Variants in HCLS1 observed in about 807,000 individuals in gnomAD.
HCLS1 encodes the protein hematopoietic cell-specific Lyn substrate 1.
HCLS1 carries 44 observed loss-of-function variants against 68.6 expected under a neutral mutation model. The observed-to-expected ratio is 0.64, with a 90% CI of 0.50 to 0.82. HCLS1 has a LOEUF of 0.82. HCLS1 is among the 40% of genes least tolerant of loss of function. The probability of loss-of-function intolerance (pLI) is 0.00; values close to 1 mark genes in which losing one functional copy is unlikely to be tolerated. For synonymous variants in HCLS1, 217 were observed against 225.8 expected (o/e 0.96, Z 0.35); for missense variants, 602 against 612.1 (o/e 0.98, Z 0.17).
chr3:121,634,104 C>T, intron 10 of HCLS1, 103 bp downstream of exon 10: 1 of 1,568,366 alleles, frequency 6.4e-7, no homozygotes, highest in South Asian at 1.2e-5. Context: ...TTGCCTAACC[C>T]AGGGGAGGAC....
chr3:121,653,445 TG>T (rs1303240190), intron 3 of HCLS1: 1 of 152,230 alleles, frequency 6.6e-6, no homozygotes, highest in Non-Finnish European at 1.5e-5. Flanking sequence ...GATATAGGAT[TG>T]TTTTTAAAAA....
intron 9 of HCLS1, 123 bp from the exon 10 acceptor site, chr3:121,634,541 G>A: frequency 1.2e-6 from 1 of 863,692 alleles, no homozygotes. Flanking sequence ...GGGACAGGAT[G>A]GTAAAGAGGT....
rs2049126891 is a variant in HCLS1, at chr3:121,634,192, G to A, written c.903+15C>T. ...AGAGATCCTGGATGTGGATCCCAGA[G>A]GGCCAGGCGCTCACCTCTGAGGAGA... On this transcript the variant is annotated intron_variant, in intron 10 of 13. Coordinates refer to ENST00000314583, the MANE Select transcript of HCLS1 (RefSeq NM_005335.6). 10 of 1,613,840 alleles carry A rather than the reference G, an allele frequency of 6.2e-6. No individual in the cohort carries two copies. The highest frequency in any genetic ancestry group is 2.2e-5 in the East Asian group (1 of 44,870).
intron 9 of HCLS1, among the ~76,000 whole-genome samples, chr3:121,635,288 T>TCTCTC (rs2049140632): frequency 6.7e-6 from 1 of 148,906 alleles, no homozygotes; most frequent in African/African-American, 2.5e-5. Flanking sequence ...CTCTCTCCTC[T>TCTCTC]CTCTCTCTTT....
At chr3:121,632,252 G>A in intron 12 of HCLS1, 68 bp from the exon 13 acceptor site, 1 of 1,600,574 alleles carries the variant, frequency 6.2e-7, no homozygotes, top group Non-Finnish European at 8.6e-7. Context: ...AGATCCTACT[G>A]GGGCAATAGA....
chr3:121,640,858 A>G (rs1228118572), intron 6 of HCLS1, among the ~76,000 whole-genome samples: 1 of 140,942 alleles, frequency 7.1e-6, no homozygotes, highest in Non-Finnish European at 1.5e-5. Context: ...AGGGCAGGGC[A>G]GGGCAGGGCA....
At chr3:121,646,108 T>C (rs1387552848) in intron 4 of HCLS1, among the ~76,000 whole-genome samples, 1 of 119,310 alleles carries the variant, frequency 8.4e-6, no homozygotes, top group South Asian at 2.4e-4. Context: ...TATATACTTA[T>C]ATATAATATA....
chr3:121,633,054 G>C lies in HCLS1; in HGVS notation c.1008+13C>G. The C allele has an allele frequency of 6.4e-7, 1 of 1,561,126 alleles. No individual in the cohort carries two copies. The highest frequency in any genetic ancestry group is 8.8e-7 in the Non-Finnish European group (1 of 1,132,920). On this transcript the variant is annotated intron_variant, in intron 11 of 13. Coordinates refer to ENST00000314583, the MANE Select transcript of HCLS1 (RefSeq NM_005335.6). ...ATGGGGTGGGGGCAGAGAATCTTTG[G>C]GGGTTTGCTTACCTCCGGGAGAGTC...
At chr3:121,632,076 G>A in intron 13 of HCLS1, 25 bp downstream of exon 13, 1 of 1,613,376 alleles carries the variant, frequency 6.2e-7, no homozygotes, top group Non-Finnish European at 8.5e-7. Context: ...CATGTACCAG[G>A]CTCCTCGGGC....
chr3:121,634,099 T>A, intron 10 of HCLS1, 108 bp downstream of exon 10: 4 of 1,555,438 alleles, frequency 2.6e-6, no homozygotes, highest in Non-Finnish European at 3.5e-6. Flanking sequence ...AGACCTTGCC[T>A]AACCCAGGGG....
At chr3:121,655,965 CG>C (rs1374415423) in intron 3 of HCLS1, 1 of 151,828 alleles carries the variant, frequency 6.6e-6, no homozygotes, top group Non-Finnish European at 1.5e-5. Context: ...TCTCGTGCTT[CG>C]GCCTCCTGAG....
chr3:121,632,642 C>A, intron 11 of HCLS1, 79 bp from the exon 12 acceptor site: 1 of 1,250,852 alleles, frequency 8.0e-7, no homozygotes, highest in South Asian at 1.3e-5. Context: ...ATCCCCCGCC[C>A]TTCACCACCC....
intron 8 of HCLS1, 102 bp downstream of exon 8, chr3:121,636,332 A>T: frequency 1.1e-6 from 1 of 951,218 alleles, no homozygotes; most frequent in Non-Finnish European, 1.7e-6. Context: ...TGTGCCCAGC[A>T]CCACCGTCCC....
chr3:121,642,231 G>A (rs1451494702), intron 6 of HCLS1, among the ~76,000 whole-genome samples: 6 of 149,818 alleles, frequency 4.0e-5, no homozygotes, highest in Non-Finnish European at 8.9e-5. Context: ...AGGCCGAGTC[G>A]GGTGGATCAC....
intron 4 of HCLS1, among the ~76,000 whole-genome samples, chr3:121,646,659 AAT>A (rs1383280154): frequency 8.4e-6 from 1 of 118,948 alleles, no homozygotes; most frequent in Non-Finnish European, 1.6e-5. Flanking sequence ...ATATACTTAT[AAT>A]ATATATACAC....
intron 3 of HCLS1, among the ~76,000 whole-genome samples, chr3:121,648,589 AC>A (rs1229790445): frequency 6.6e-6 from 1 of 152,194 alleles, no homozygotes; most frequent in East Asian, 1.9e-4. Context: ...GTGAGCTGGG[AC>A]TTTACCAGCG....
At chr3:121,640,775 G>A (rs2049189430) in intron 6 of HCLS1, among the ~76,000 whole-genome samples, 1 of 97,588 alleles carries the variant, frequency 1.0e-5, no homozygotes, top group Non-Finnish European at 2.2e-5. Flanking sequence ...GAGAGGGAAG[G>A]CAAGGGAAGG....
At chr3:121,657,214 C>T (rs570243411) in intron 3 of HCLS1, 65 bp downstream of exon 3, 1 of 1,377,594 alleles carries the variant, frequency 7.3e-7, no homozygotes, top group East Asian at 2.3e-5. Context: ...TCCCCCAAGT[C>T]TCCGAGTTTT....
intron 4 of HCLS1, 101 bp downstream of exon 4, chr3:121,647,218 T>C (rs901164994): frequency 3.0e-5 from 35 of 1,173,668 alleles, no homozygotes; most frequent in Non-Finnish European, 4.1e-5. Flanking sequence ...CCTAACCTCA[T>C]GATCCACCCA....
Sources: gnomAD v4.1 joint callset for allele counts (sites outside exome capture counted in the v4.1 genomes callset) on GRCh38, gnomAD v4.1.1 for gene constraint, MANE v1.5 for transcripts, NCBI Gene and HGNC (gene_info 2026-07-23, HGNC 2026-07-21) for gene names.